MALRD1: variants seen among roughly 807,000 people sequenced by gnomAD.
MALRD1 encodes MAM and LDL-receptor class A domain-containing protein 1.
A neutral mutation model predicts 242.1 loss-of-function variants in MALRD1; 247 were observed. That is an observed-to-expected ratio of 1.02 (90% CI 0.92 to 1.13). The LOEUF is 1.13. Ranked by LOEUF, MALRD1 falls within the 50% of genes most tolerant of loss-of-function variation. The pLI is 0.00. For missense variants in MALRD1, 2,989 were observed against 2,533.1 expected (o/e 1.18, Z -3.86); for synonymous variants, 995 against 866.6 (o/e 1.15, Z -2.60).
chr10:19,264,038 G>A (rs139330187), intron 19 of MALRD1, among the ~76,000 whole-genome samples: 2 of 152,052 alleles, frequency 1.3e-5, no homozygotes, highest in African/African-American at 2.4e-5. Context: ...ACAGGGGTTC[G>A]CTTTTACCCA....
At chr10:19,600,405 TC>T (rs1233341745) in intron 34 of MALRD1, among the ~76,000 whole-genome samples, 4 of 152,220 alleles carry the variant, frequency 2.6e-5, no homozygotes, top group African/African-American at 9.6e-5. Flanking sequence ...TAAATTATTA[TC>T]CTTTCCCCAT....
intron 31 of MALRD1, among the ~76,000 whole-genome samples, chr10:19,522,832 A>G (rs1202668214): frequency 1.3e-5 from 2 of 152,162 alleles, no homozygotes; most frequent in Non-Finnish European, 2.9e-5. Context: ...GCTGGTCTTT[A>G]AAACAATACA....
intron 21 of MALRD1, among the ~76,000 whole-genome samples, chr10:19,313,732 T>G (rs569591095): frequency 6.6e-6 from 1 of 151,722 alleles, no homozygotes; most frequent in East Asian, 1.9e-4. Context: ...TATTACATCA[T>G]GTAATTTCTT....
At chr10:19,201,145 A>T (rs1280344990) in intron 14 of MALRD1, among the ~76,000 whole-genome samples, 1 of 152,144 alleles carries the variant, frequency 6.6e-6, no homozygotes, top group Non-Finnish European at 1.5e-5. Flanking sequence ...CTAACTTAGA[A>T]ATTTTATATA....
intron 18 of MALRD1, among the ~76,000 whole-genome samples, chr10:19,248,492 GT>G (rs1362123907): frequency 6.6e-6 from 1 of 151,706 alleles, no homozygotes; most frequent in Non-Finnish European, 1.5e-5. Context: ...AGAATTAATA[GT>G]TTTTTAAATA....
At chr10:19,523,635 A>T (rs1476741823) in intron 31 of MALRD1, among the ~76,000 whole-genome samples, 1 of 152,192 alleles carries the variant, frequency 6.6e-6, no homozygotes, top group Non-Finnish European at 1.5e-5. Context: ...GGATGCAGAG[A>T]TTCAGAATCT....
intron 21 of MALRD1, among the ~76,000 whole-genome samples, chr10:19,315,180 AT>A (rs1842608510): frequency 7.6e-6 from 1 of 131,602 alleles, no homozygotes; most frequent in South Asian, 2.2e-4. Flanking sequence ...ATTTATATAA[AT>A]ATATAAATAT....
At chr10:19,535,576 CGT>C (rs1491585043) in intron 32 of MALRD1, among the ~76,000 whole-genome samples, 7 of 147,554 alleles carry the variant, frequency 4.7e-5, no homozygotes, top group African/African-American at 1.5e-4. Context: ...TATGTATATA[CGT>C]ATATATATAT....
intron 33 of MALRD1, among the ~76,000 whole-genome samples, chr10:19,593,996 A>G (rs536403975): frequency 1.3e-5 from 2 of 152,232 alleles, no homozygotes; most frequent in Admixed American, 6.5e-5. Flanking sequence ...GTGCAGTGTG[A>G]CAAAACCATA....
chr10:19,398,800 C>A (rs1846700090), intron 28 of MALRD1, among the ~76,000 whole-genome samples: 1 of 152,084 alleles, frequency 6.6e-6, no homozygotes, highest in African/African-American at 2.4e-5. Context: ...TATAAAAAAG[C>A]AATTCCAGTT....
At chr10:19,491,702 G>T in intron 30 of MALRD1, 57 bp downstream of exon 30, 1 of 1,517,220 alleles carries the variant, frequency 6.6e-7, no homozygotes, top group Non-Finnish European at 8.9e-7. Flanking sequence ...TCCTTCATAA[G>T]TAGAGTTAGA....
intron 10 of MALRD1, among the ~76,000 whole-genome samples, chr10:19,143,960 G>GT (rs532892406): frequency 6.6e-6 from 1 of 152,218 alleles, no homozygotes; most frequent in South Asian, 2.1e-4. Context: ...GGGGAGTAAT[G>GT]TTTTATCAAG....
chr10:19,426,534 G>T (rs1270880851), intron 28 of MALRD1, among the ~76,000 whole-genome samples: 6 of 152,156 alleles, frequency 3.9e-5, no homozygotes, highest in African/African-American at 1.4e-4. Context: ...GGGCACGGTG[G>T]CTCACGCTTG....
At chr10:19,321,713 A>G (rs1842921081) in intron 21 of MALRD1, among the ~76,000 whole-genome samples, 1 of 152,108 alleles carries the variant, frequency 6.6e-6, no homozygotes, top group Admixed American at 6.6e-5. Flanking sequence ...TTTATCAAAC[A>G]CTAGATCTTT....
chr10:19,705,804 T>TGAAAAAAAAAAAAAAAAAAAA (rs71388859), intron 38 of MALRD1, among the ~76,000 whole-genome samples: 1 of 102,874 alleles, frequency 9.7e-6, no homozygotes, highest in African/African-American at 4.8e-5. Flanking sequence ...CCTGCAATAG[T>TGAAAAAAAAAAAAAAAAAAAA]AAAAAAAAAA....
At chr10:19,169,909 AATC>A (rs1490378563) in intron 13 of MALRD1, among the ~76,000 whole-genome samples, 5 of 152,206 alleles carry the variant, frequency 3.3e-5, no homozygotes, top group African/African-American at 1.2e-4. Context: ...AGTACAGTGT[AATC>A]CAGTCCAAAT....
intron 36 of MALRD1, among the ~76,000 whole-genome samples, chr10:19,644,551 C>G (rs1323973253): frequency 1.5e-4 from 1 of 6,830 alleles, no homozygotes; most frequent in South Asian, 4.3e-3. Flanking sequence ...GCATCTGATT[C>G]TAAGCCATGA....
intron 34 of MALRD1, among the ~76,000 whole-genome samples, chr10:19,597,314 A>G (rs550548233): frequency 6.6e-6 from 1 of 152,326 alleles, no homozygotes; most frequent in Non-Finnish European, 1.5e-5. Context: ...TTCAAATAAG[A>G]CTGCTATTTA....
At chr10:19,470,784 T>TA (rs57235735) in intron 29 of MALRD1, among the ~76,000 whole-genome samples, 23 of 151,478 alleles carry the variant, frequency 1.5e-4, no homozygotes, top group South Asian at 6.3e-4. Context: ...TAATTATTAT[T>TA]TTTTTTCTGT....
Sources: gnomAD v4.1 joint callset for allele counts (sites outside exome capture counted in the v4.1 genomes callset) on GRCh38, gnomAD v4.1.1 for gene constraint, MANE v1.5 for transcripts, NCBI Gene and HGNC (gene_info 2026-07-23, HGNC 2026-07-21) for gene names.